Variants in CERS3 observed in about 807,000 individuals in gnomAD.
CERS3 encodes the protein ceramide synthase 3.
CERS3 carries 33 observed loss-of-function variants against 50.3 expected under a neutral mutation model. That is an observed-to-expected ratio of 0.66 (90% CI 0.50 to 0.88). The LOEUF (loss-of-function observed/expected upper bound fraction) is 0.88. Among genes scored for constraint, CERS3 ranks in the 40% least tolerant of loss-of-function variants. CERS3 has a pLI of 0.00. For synonymous variants in CERS3, 176 were observed against 155.2 expected (o/e 1.13, Z -0.99); for missense variants, 470 against 460.3 (o/e 1.02, Z -0.19).
At chr15:100,406,978 A>G in intron 11 of CERS3, among the ~76,000 whole-genome samples, 1 of 152,250 alleles carries the variant, frequency 6.6e-6, no homozygotes, top group Non-Finnish European at 1.5e-5. Flanking sequence ...CCTCTTTTTG[A>G]CACCATCAGA....
At chr15:100,466,005 G>A (rs1330037261) in intron 10 of CERS3, among the ~76,000 whole-genome samples, 1 of 152,090 alleles carries the variant, frequency 6.6e-6, no homozygotes, top group African/African-American at 2.4e-5. Flanking sequence ...TGGTTTATTT[G>A]CAACCCAACT....
chr15:100,478,289 T>C (rs2035197277), intron 7 of CERS3, among the ~76,000 whole-genome samples: 1 of 152,202 alleles, frequency 6.6e-6, no homozygotes, highest in Admixed American at 6.5e-5. Flanking sequence ...ACCAGTGAAC[T>C]GGACAACAGG....
intron 11 of CERS3, among the ~76,000 whole-genome samples, chr15:100,451,302 A>G (rs187397768): frequency 1.3e-5 from 2 of 152,384 alleles, no homozygotes; most frequent in Admixed American, 6.5e-5. Flanking sequence ...ACTAACCTTG[A>G]ATGTAAACAG....
chr15:100,521,532 G>C (rs2036638728), intron 2 of CERS3, 135 bp downstream of exon 2: 1 of 152,174 alleles, frequency 6.6e-6, no homozygotes, highest in Non-Finnish European at 1.5e-5. Flanking sequence ...TACTGGCTTT[G>C]CCCAAACTCC....
At chr15:100,506,461 A>ACCTC (rs1555533152) in intron 2 of CERS3, among the ~76,000 whole-genome samples, 4 of 30,410 alleles carry the variant, frequency 1.3e-4, no homozygotes, top group African/African-American at 1.9e-4. Flanking sequence ...AGAAATCGGG[A>ACCTC]CCCCCCCGCC....
At chr15:100,458,311 G>A (rs2034440408) in intron 10 of CERS3, among the ~76,000 whole-genome samples, 1 of 152,332 alleles carries the variant, frequency 6.6e-6, no homozygotes, top group Middle Eastern at 3.4e-3. Flanking sequence ...GGGGCCAGGT[G>A]CAGTGGCTCA....
chr15:100,525,688 G>A (rs941416075), intron 1 of CERS3, among the ~76,000 whole-genome samples: 4 of 152,126 alleles, frequency 2.6e-5, no homozygotes, highest in Admixed American at 1.3e-4. Context: ...TTATACATAA[G>A]CCCTAATTTA....
chr15:100,450,143 A>G (rs994399475), intron 11 of CERS3, among the ~76,000 whole-genome samples: 1 of 152,168 alleles, frequency 6.6e-6, no homozygotes, highest in African/African-American at 2.4e-5. Context: ...TAGATTGGCC[A>G]GGTGTGGTGG....
intron 10 of CERS3, among the ~76,000 whole-genome samples, chr15:100,458,585 CAA>C (rs5814967): frequency 0.015 from 1,899 of 127,706 alleles, 15 homozygotes; most frequent in Non-Finnish European, 0.015. Flanking sequence ...GACTCCATCT[CAA>C]AAAAAAAAAA....
At chr15:100,433,576 C>T (rs1281009784) in intron 11 of CERS3, among the ~76,000 whole-genome samples, 1 of 152,218 alleles carries the variant, frequency 6.6e-6, no homozygotes, top group Non-Finnish European at 1.5e-5. Flanking sequence ...CTAGAGCTCT[C>T]TGTAGGGTTG....
intron 11 of CERS3, among the ~76,000 whole-genome samples, chr15:100,448,662 T>C (rs141809708): frequency 1.6e-4 from 24 of 152,100 alleles, no homozygotes; most frequent in African/African-American, 5.3e-4. Context: ...CAACAGTCCC[T>C]GCATCTACAC....
chr15:100,504,699 C>T (rs1463591483), intron 2 of CERS3, among the ~76,000 whole-genome samples: 1 of 152,088 alleles, frequency 6.6e-6, no homozygotes, highest in Non-Finnish European at 1.5e-5. Flanking sequence ...ACAGAAAGGA[C>T]AGGGGTGAAG....
At chr15:100,519,030 G>A (rs1371721660) in intron 2 of CERS3, among the ~76,000 whole-genome samples, 7 of 151,976 alleles carry the variant, frequency 4.6e-5, no homozygotes, top group South Asian at 4.2e-4. Flanking sequence ...GTGGTGGTGC[G>A]CATCTGTGAT....
intron 2 of CERS3, among the ~76,000 whole-genome samples, chr15:100,502,352 G>C (rs951045294): frequency 6.6e-6 from 1 of 150,774 alleles, no homozygotes. Context: ...GCATTAAACA[G>C]GAATTACTCT....
intron 11 of CERS3, among the ~76,000 whole-genome samples, chr15:100,403,196 G>T (rs1261657188): frequency 1.3e-5 from 2 of 152,114 alleles, no homozygotes; most frequent in South Asian, 2.1e-4. Flanking sequence ...AAGAATATTA[G>T]AAAATATTTT....
At chr15:100,415,873 T>C (rs1396474318) in intron 11 of CERS3, among the ~76,000 whole-genome samples, 2 of 152,046 alleles carry the variant, frequency 1.3e-5, no homozygotes, top group African/African-American at 4.8e-5. Flanking sequence ...AATGGGTTGA[T>C]AGGTGCAGCA....
At chr15:100,443,430 T>C (rs560852493) in intron 11 of CERS3, among the ~76,000 whole-genome samples, 22 of 148,584 alleles carry the variant, frequency 1.5e-4, no homozygotes, top group African/African-American at 4.9e-4. Context: ...GTTCAGGATC[T>C]ATGCCTTATC....
intron 10 of CERS3, among the ~76,000 whole-genome samples, chr15:100,464,814 C>T (rs1419828581): frequency 6.6e-6 from 1 of 152,162 alleles, no homozygotes; most frequent in Non-Finnish European, 1.5e-5. Flanking sequence ...TAAATTAAAA[C>T]AATTTGACCA....
At chr15:100,465,175 C>T (rs186741576) in intron 10 of CERS3, among the ~76,000 whole-genome samples, 5 of 152,142 alleles carry the variant, frequency 3.3e-5, no homozygotes, top group African/African-American at 1.2e-4. Flanking sequence ...AAGAACAGAG[C>T]AACTAGATTG....
Sources: allele counts gnomAD v4.1 joint callset (sites outside exome capture counted in the v4.1 genomes callset), GRCh38; gene constraint gnomAD v4.1.1; transcripts MANE v1.5; gene names NCBI Gene and HGNC (gene_info 2026-07-23, HGNC 2026-07-21).